The following PRAMEF19 variants were observed in gnomAD, a reference collection of about 807,000 sequenced individuals.
PRAMEF19 encodes the protein PRAME family member 19, also known as PRAME family member-like.
A neutral mutation model predicts 33.1 loss-of-function variants in PRAMEF19; 21 were observed. That is an observed-to-expected ratio of 0.63 (90% CI 0.45 to 0.91). The LOEUF (loss-of-function observed/expected upper bound fraction) is 0.91, where lower values mean the gene tolerates loss of function less well. PRAMEF19 is among the 40% of genes least tolerant of loss of function. The pLI, the probability that PRAMEF19 is intolerant of heterozygous loss-of-function variation, is 0.00. For synonymous variants in PRAMEF19, 179 were observed against 229.3 expected, an observed-to-expected ratio of 0.78 and a Z score of 1.98; for missense variants, 481 against 585.2, an observed-to-expected ratio of 0.82 and a Z score of 1.84.
At chr1:13,371,815 T>A (rs1266523285) in exon 1 of PRAMEF19, 4 of 1,611,732 alleles carry the variant, frequency 2.5e-6, no homozygotes, top group Non-Finnish European at 3.4e-6. Flanking sequence ...GGGCAGCTCA[T>A]CCAGGACGGA....
intron 2 of PRAMEF19, 80 bp downstream of exon 2, chr1:13,370,569 A>C: frequency 1.9e-6 from 3 of 1,564,608 alleles, no homozygotes; most frequent in Non-Finnish European, 2.6e-6. Flanking sequence ...GCTGGCACAC[A>C]GTAGATGCTG....
At chr1:13,370,267 T>C (rs1640654386) in intron 2 of PRAMEF19, among the ~76,000 whole-genome samples, 2 of 152,290 alleles carry the variant, frequency 1.3e-5, no homozygotes, top group Non-Finnish European at 2.9e-5. Flanking sequence ...TGCCTCTTTT[T>C]TATCATATTA....
chr1:13,370,211 G>A (rs1346252198), intron 2 of PRAMEF19, among the ~76,000 whole-genome samples: 20 of 152,386 alleles, frequency 1.3e-4, no homozygotes, highest in Middle Eastern at 3.4e-3. Flanking sequence ...TCTGTGAAAC[G>A]CACAGGTTTG....
chr1:13,371,523 G>A, intron 1 of PRAMEF19, 91 bp downstream of exon 1: 2 of 1,593,270 alleles, frequency 1.3e-6, no homozygotes, highest in Non-Finnish European at 1.7e-6. Flanking sequence ...GGCACCATCA[G>A]AAGCCCCTGG....
exon 2 of PRAMEF19, chr1:13,370,873 G>A: frequency 6.2e-7 from 1 of 1,613,968 alleles, no homozygotes; most frequent in Non-Finnish European, 8.5e-7. Context: ...GCCAGCACAT[G>A]TTCCAAATTT....
At chr1:13,369,039 A>G (rs1177217078), downstream of PRAMEF19, 1,199 of 1,611,942 alleles carry the variant, frequency 7.4e-4, 2 homozygotes, top group African/African-American at 9.1e-3. Flanking sequence ...AAGTGCCTGG[A>G]GAAAAAGCTT....
exon 2 of PRAMEF19, chr1:13,370,765 C>G (rs1229711513): frequency 0.04 from 64,235 of 1,612,982 alleles, 1,510 homozygotes; most frequent in Non-Finnish European, 0.044. Context: ...GTCCTTGGCT[C>G]TCAAAGCTTG....
intron 1 of PRAMEF19, 138 bp from the exon 2 acceptor site, chr1:13,371,365 C>T: frequency 1.3e-6 from 2 of 1,537,224 alleles, no homozygotes; most frequent in South Asian, 1.2e-5. Flanking sequence ...CCCTTTCCCC[C>T]TTGGATTCTG....
rs1204825858 is a variant in PRAMEF19 at position 13,371,603 on chromosome 1, G to C, written c.287+11C>G. 6.2e-7 allele frequency: 1 copy of C among 1,610,508 alleles called. No individual in the cohort carries two copies. The highest frequency in any genetic ancestry group is 8.5e-7 in the Non-Finnish European group (1 of 1,179,772). On this transcript the variant is annotated intron_variant, in intron 1 of 2. Transcript: ENST00000376101. ...TGGACACCTGGGCCCTCCCCACCTG[G>C]GTCACCTCACCTGGGGCGAACCTTT... is the stretch of plus-strand genomic sequence containing the variant.
rs1384147110 is a variant in PRAMEF19, at chr1:13,369,321, C to T, written c.1186G>A (p.Asp396Asn). The change falls in exon 3 of 3, where the codon GAC becomes AAC. Residue 396 changes from aspartate (D) to asparagine (N), a missense_variant. Coordinates refer to ENST00000376101, the Ensembl canonical transcript of PRAMEF19. ...AGCCTGCCTGTGTGGCGCAGCAGGT[C>T]CTTCAGACCATCCATGGACGTGTCA... is the stretch of plus-strand genomic sequence containing the variant. The T allele has an allele frequency of 1.3e-5, 21 of 1,611,950 alleles. No individual in the cohort carries two copies. In the African/African-American group the frequency reaches 2.1e-4, roughly 16 times the overall value.
At chr1:13,368,719 A>G (rs1444054081), downstream of PRAMEF19, among the ~76,000 whole-genome samples, 6 of 152,138 alleles carry the variant, frequency 3.9e-5, no homozygotes, top group Middle Eastern at 3.2e-3. Context: ...GACTCCATTC[A>G]ACCTTTTCCC....
At chr1:13,370,660 G>C in exon 2 of PRAMEF19, 1 of 1,613,958 alleles carries the variant, frequency 6.2e-7, no homozygotes, top group Non-Finnish European at 8.5e-7. Flanking sequence ...TGATCAGCTG[G>C]TCCAGGTAGC....
chr1:13,371,682 A>G (rs1340610496), exon 1 of PRAMEF19: 3 of 1,610,414 alleles, frequency 1.9e-6, no homozygotes, highest in Non-Finnish European at 2.5e-6. Flanking sequence ...TCTCCAGATC[A>G]GGCGTCTTCA....
upstream of PRAMEF19, chr1:13,371,941 T>C (rs1404292342): frequency 3.1e-6 from 5 of 1,611,758 alleles, no homozygotes; most frequent in Non-Finnish European, 4.2e-6. Context: ...AAAGACAAAC[T>C]TATCAGGCCA....
chr1:13,371,526 G>T, intron 1 of PRAMEF19, 88 bp downstream of exon 1: 2 of 1,595,882 alleles, frequency 1.3e-6, no homozygotes, highest in South Asian at 1.1e-5. Flanking sequence ...ACCATCAGAA[G>T]CCCCTGGGCC....
At chr1:13,370,146 A>T (rs1392315847) in intron 2 of PRAMEF19, among the ~76,000 whole-genome samples, 1 of 152,260 alleles carries the variant, frequency 6.6e-6, no homozygotes, top group Non-Finnish European at 1.5e-5. Flanking sequence ...TTTTACAGAC[A>T]GGGAATCAGA....
exon 3 of PRAMEF19, chr1:13,369,435 C>G (rs1250654992): frequency 1.2e-6 from 2 of 1,613,744 alleles, no homozygotes; most frequent in Admixed American, 1.7e-5. Context: ...ATCCCACAGT[C>G]CACTAAGAAG....
At chr1:13,369,301 G>A in exon 3 of PRAMEF19, 1 of 1,612,074 alleles carries the variant, frequency 6.2e-7, no homozygotes, top group South Asian at 1.1e-5. Context: ...TGCTCAGCCT[G>A]CCTGTGTGGC....
exon 2 of PRAMEF19, chr1:13,370,794 C>T (rs1275973543): frequency 4.3e-6 from 7 of 1,613,932 alleles, no homozygotes; most frequent in East Asian, 2.2e-5. Context: ...CCACAGCCAT[C>T]GGAGATGAAG....
Sources: allele counts gnomAD v4.1 joint callset (sites outside exome capture counted in the v4.1 genomes callset), GRCh38; gene constraint gnomAD v4.1.1; transcripts MANE v1.5; gene names NCBI Gene and HGNC (gene_info 2026-07-23, HGNC 2026-07-21).